EIF3B: variants seen among roughly 807,000 people sequenced by gnomAD.
EIF3B encodes the protein eukaryotic translation initiation factor 3 subunit B.
In EIF3B, 10 loss-of-function variants were observed where a neutral mutation model predicts 104.6. That is an observed-to-expected ratio of 0.10 (90% CI 0.06 to 0.16). EIF3B has a LOEUF of 0.16. Among genes scored for constraint, EIF3B ranks in the 10% least tolerant of loss-of-function variants. The pLI is 1.00. For missense variants in EIF3B, 1,014 were observed against 1,087.9 expected, an observed-to-expected ratio of 0.93 and a Z score of 0.96; for synonymous variants, 542 against 417.2, an observed-to-expected ratio of 1.30 and a Z score of -3.65.
At chr7:2,374,334 T>C (rs1365750582) in intron 12 of EIF3B, 194 bp from the exon 13 acceptor site, 7 of 515,116 alleles carry the variant, frequency 1.4e-5, no homozygotes, top group Non-Finnish European at 2.4e-5. Context: ...CTTCTTTTTT[T>C]TCCCATTTAA....
intron 14 of EIF3B, chr7:2,376,748 G>C: frequency 1.6e-6 from 1 of 638,948 alleles, no homozygotes; most frequent in Non-Finnish European, 2.6e-6. Flanking sequence ...CAGCTGCTCC[G>C]TGCCCCGCAC....
At chr7:2,372,568 G>C in intron 11 of EIF3B, 105 bp from the exon 12 acceptor site, 1 of 1,409,864 alleles carries the variant, frequency 7.1e-7, no homozygotes, top group Admixed American at 2.1e-5. Context: ...ACTTTTACAC[G>C]TCGGGGGATA....
intron 1 of EIF3B, among the ~76,000 whole-genome samples, chr7:2,356,915 C>T (rs1779477854): frequency 6.6e-6 from 1 of 152,028 alleles, no homozygotes; most frequent in Non-Finnish European, 1.5e-5. Flanking sequence ...AAACTAAAGA[C>T]TTTGGGAACA....
chr7:2,363,551 C>A, intron 4 of EIF3B, 81 bp from the exon 5 acceptor site: 1 of 1,314,670 alleles, frequency 7.6e-7, no homozygotes, highest in South Asian at 1.4e-5. Context: ...CTGAACTTGT[C>A]ATATCTTTAA....
At chr7:2,358,952 C>G (rs1196756465) in intron 1 of EIF3B, among the ~76,000 whole-genome samples, 1 of 152,172 alleles carries the variant, frequency 6.6e-6, no homozygotes, top group Non-Finnish European at 1.5e-5. Context: ...GGGGTGGCAG[C>G]TCCCACCTGT....
At chr7:2,372,881 C>A in intron 12 of EIF3B, 86 bp downstream of exon 12, 1 of 1,468,130 alleles carries the variant, frequency 6.8e-7, no homozygotes, top group Admixed American at 2.0e-5. Flanking sequence ...ATTTGACTGG[C>A]CTAGGACCAC....
chr7:2,367,382 G>T (rs765067540), intron 9 of EIF3B, among the ~76,000 whole-genome samples: 1 of 152,098 alleles, frequency 6.6e-6, no homozygotes, highest in Non-Finnish European at 1.5e-5. Context: ...CACCCCAGGG[G>T]GTTAGAATTT....
intron 18 of EIF3B, 110 bp from the exon 19 acceptor site, chr7:2,380,094 C>G (rs890586877): frequency 3.5e-5 from 11 of 310,782 alleles, no homozygotes; most frequent in South Asian, 2.8e-4. Context: ...CTCTCTGTGG[C>G]CGGGGTGGCT....
In EIF3B at chr7:2,355,269, C is replaced by T. The variant is rs990868978; in HGVS notation, c.348C>T (p.Arg116=). Reference sequence around the variant, plus strand: ...CAGGAGAGCAGGCTCGGGACGAGCGCTCCGACAGCCGGGCCCAGGCGGTGT... The same window carrying T: ...CAGGAGAGCAGGCTCGGGACGAGCGTTCCGACAGCCGGGCCCAGGCGGTGT... ...EAPGEQARDE[R]SDSRAQAVSE... is the part of the protein sequence containing the mutation. The change falls in exon 1 of 19, where the codon CGC becomes CGT. Residue 116 remains arginine (R), a synonymous_variant. Coordinates refer to ENST00000360876, the MANE Select transcript of EIF3B (RefSeq NM_001037283.2). 6.5e-6 allele frequency: 10 copies of T among 1,532,120 alleles called. No homozygotes were observed. Among genetic ancestry groups the T allele is most frequent in the Admixed American group, 3.9e-5 (2 of 50,890 alleles). 94.9% of individuals were successfully genotyped at this position (1,532,120 alleles called of 1,614,324 possible).
intron 16 of EIF3B, 167 bp downstream of exon 16, chr7:2,378,933 G>T: frequency 1.3e-6 from 1 of 759,958 alleles, no homozygotes; most frequent in Non-Finnish European, 2.1e-6. Context: ...GTTGGCACGG[G>T]GACTTGGAGT....
intron 1 of EIF3B, 88 bp downstream of exon 1, chr7:2,355,508 G>A (rs1779366014): frequency 2.9e-6 from 4 of 1,392,778 alleles, no homozygotes; most frequent in East Asian, 5.7e-5. Context: ...CTGTGCCACC[G>A]GTTCGTGCAG....
intron 11 of EIF3B, among the ~76,000 whole-genome samples, chr7:2,372,360 G>C (rs1295013661): frequency 3.9e-5 from 6 of 152,216 alleles, no homozygotes. Flanking sequence ...CCCACTGTAG[G>C]TGCACACTGG....
At chr7:2,356,781 G>A (rs1779470121) in intron 1 of EIF3B, among the ~76,000 whole-genome samples, 1 of 152,062 alleles carries the variant, frequency 6.6e-6, no homozygotes, top group South Asian at 2.1e-4. Flanking sequence ...GACAGAGTGA[G>A]ACCCTGTCTC....
At chr7:2,356,571 CCAT>C (rs1006211824) in intron 1 of EIF3B, among the ~76,000 whole-genome samples, 8 of 149,248 alleles carry the variant, frequency 5.4e-5, no homozygotes, top group Non-Finnish European at 1.2e-4. Context: ...CCACTGCACT[CCAT>C]CCTGGGCGAC....
At chr7:2,371,042 A>G (rs7804900) in intron 10 of EIF3B, among the ~76,000 whole-genome samples, 47,190 of 152,032 alleles carry the variant, frequency 0.31, 9,254 homozygotes, top group African/African-American at 0.57. Context: ...CAGCCTGGGC[A>G]ACAGAGTGAG....
At chr7:2,356,426 C>G (rs1779442893) in intron 1 of EIF3B, among the ~76,000 whole-genome samples, 1 of 151,810 alleles carries the variant, frequency 6.6e-6, no homozygotes, top group Non-Finnish European at 1.5e-5. Context: ...ACGGTGAAAC[C>G]CCGTCTCTAC....
intron 6 of EIF3B, 125 bp from the exon 7 acceptor site, chr7:2,366,192 G>A (rs1280929678): frequency 7.0e-6 from 7 of 1,003,532 alleles, no homozygotes; most frequent in Admixed American, 2.7e-5. Flanking sequence ...TCTTGGGGCC[G>A]GGCAGTGTGG....
At chr7:2,376,415 C>T (rs1025077097) in intron 14 of EIF3B, 1 of 152,226 alleles carries the variant, frequency 6.6e-6, no homozygotes, top group African/African-American at 2.4e-5. Context: ...AAATGCCGGC[C>T]TGCAACAAGG....
At chr7:2,375,363 C>G (rs2115332212) in intron 13 of EIF3B, 26 bp from the exon 14 acceptor site, 1 of 1,613,312 alleles carries the variant, frequency 6.2e-7, no homozygotes, top group East Asian at 2.2e-5. Flanking sequence ...CTCCATGAAG[C>G]CTGACGGTCC....
Sources: allele counts gnomAD v4.1 joint callset (sites outside exome capture counted in the v4.1 genomes callset), GRCh38; gene constraint gnomAD v4.1.1; transcripts MANE v1.5; gene names NCBI Gene and HGNC (gene_info 2026-07-23, HGNC 2026-07-21).